Variants in GRIK2 observed in about 807,000 individuals in gnomAD.
The protein encoded by GRIK2 is glutamate ionotropic receptor kainate type subunit 2.
In GRIK2, 32 loss-of-function variants were observed where a neutral mutation model predicts 100.3. The observed-to-expected ratio is 0.32, with a 90% confidence interval of 0.24 to 0.43. GRIK2 has a LOEUF of 0.43. GRIK2 is among the 20% of genes least tolerant of loss of function. The probability of loss-of-function intolerance (pLI) is 1.00; values close to 1 mark genes in which losing one functional copy is unlikely to be tolerated. For synonymous variants in GRIK2, 417 were observed against 389.4 expected (o/e 1.07, Z -0.83); for missense variants, 843 against 1,114.9 (o/e 0.76, Z 3.47).
At chr6:101,930,834 CTT>C (rs768278128) in intron 14 of GRIK2, among the ~76,000 whole-genome samples, 20 of 151,790 alleles carry the variant, frequency 1.3e-4, no homozygotes, top group Non-Finnish European at 2.1e-4. Flanking sequence ...TTTTTTATCT[CTT>C]GTTTTTCTCT....
intron 7 of GRIK2, among the ~76,000 whole-genome samples, chr6:101,736,067 G>T (rs1239588111): frequency 6.7e-6 from 1 of 148,724 alleles, no homozygotes; most frequent in Non-Finnish European, 1.5e-5. Flanking sequence ...GCTCCAAAAT[G>T]ATCTTTTTTT....
intron 1 of GRIK2, among the ~76,000 whole-genome samples, chr6:101,396,829 C>A (rs1310747669): frequency 6.6e-6 from 1 of 152,118 alleles, no homozygotes; most frequent in South Asian, 2.1e-4. Flanking sequence ...TGTGCTAAAG[C>A]CTTTCAACTG....
intron 2 of GRIK2, among the ~76,000 whole-genome samples, chr6:101,425,318 TAATA>T (rs1355033892): frequency 2.0e-5 from 3 of 152,200 alleles, no homozygotes; most frequent in Admixed American, 6.6e-5. Context: ...ACATTAGATT[TAATA>T]AATACTGTAG....
At chr6:101,405,432 T>G (rs1190061778) in intron 2 of GRIK2, among the ~76,000 whole-genome samples, 2 of 152,184 alleles carry the variant, frequency 1.3e-5, no homozygotes, top group Non-Finnish European at 2.9e-5. Context: ...TAAGTGTTGA[T>G]GATAAATTCT....
chr6:101,744,513 T>TGTGC (rs1776260157), intron 7 of GRIK2: 1 of 125,644 alleles, frequency 8.0e-6, no homozygotes, highest in Non-Finnish European at 1.7e-5. Flanking sequence ...TGTGTGTGTG[T>TGTGC]GCGTGCGCGC....
At chr6:101,657,299 C>G (rs905084839) in intron 4 of GRIK2, among the ~76,000 whole-genome samples, 3 of 152,216 alleles carry the variant, frequency 2.0e-5, no homozygotes, top group East Asian at 1.9e-4. Context: ...GGCTCTTCCC[C>G]CTTTGCTCCT....
intron 4 of GRIK2, among the ~76,000 whole-genome samples, chr6:101,639,917 CTAA>C (rs972636895): frequency 4.6e-5 from 7 of 152,212 alleles, no homozygotes; most frequent in African/African-American, 1.7e-4. Context: ...TAAATGCGTA[CTAA>C]TAATATCTTG....
At chr6:101,611,834 A>G (rs1779690207) in intron 2 of GRIK2, among the ~76,000 whole-genome samples, 1 of 151,748 alleles carries the variant, frequency 6.6e-6, no homozygotes, top group African/African-American at 2.4e-5. Context: ...TCACATGTAT[A>G]TATGTTTTAT....
intron 11 of GRIK2, among the ~76,000 whole-genome samples, chr6:101,863,191 A>G (rs1784829858): frequency 6.6e-6 from 1 of 152,174 alleles, no homozygotes; most frequent in Non-Finnish European, 1.5e-5. Context: ...AGGAATGCAT[A>G]TATACATTTT....
chr6:101,660,120 A>T (rs1769503898), intron 4 of GRIK2, among the ~76,000 whole-genome samples: 1 of 152,024 alleles, frequency 6.6e-6, no homozygotes, highest in Admixed American at 6.6e-5. Flanking sequence ...ATCAAACATA[A>T]GTTTGGTTTT....
intron 2 of GRIK2, among the ~76,000 whole-genome samples, chr6:101,401,572 T>C (rs1366809204): frequency 6.6e-6 from 1 of 152,186 alleles, no homozygotes; most frequent in East Asian, 1.9e-4. Flanking sequence ...ATCTTCCACG[T>C]GGAGATGCAT....
At chr6:101,803,252 A>G (rs1390386714) in intron 9 of GRIK2, among the ~76,000 whole-genome samples, 1 of 151,898 alleles carries the variant, frequency 6.6e-6, no homozygotes, top group Non-Finnish European at 1.5e-5. Flanking sequence ...CTTTATTTCT[A>G]GACAGAAACT....
intron 2 of GRIK2, among the ~76,000 whole-genome samples, chr6:101,537,671 A>G (rs1430624714): frequency 6.6e-6 from 1 of 151,802 alleles, no homozygotes; most frequent in African/African-American, 2.4e-5. Flanking sequence ...AGAACTATCA[A>G]TAGTTTCTCT....
intron 14 of GRIK2, among the ~76,000 whole-genome samples, chr6:101,967,137 A>G (rs973761206): frequency 4.0e-5 from 6 of 151,808 alleles, no homozygotes; most frequent in African/African-American, 1.4e-4. Context: ...ATAGGAATAC[A>G]TTTTTATTTT....
chr6:101,546,084 G>A lies in GRIK2; in HGVS notation c.116-75865G>A, dbSNP rs537725538. ...AAATGTATTGCATGAACTTTTCATG[G>A]TTATTCACTTTTAGATTTCGACTCA... On this transcript the variant is annotated intron_variant, in intron 2 of 16. Transcript: ENST00000369134. Among the ~76,000 whole-genome samples, 6 of 151,928 alleles carry A rather than the reference G, an allele frequency of 3.9e-5. No individual in the cohort carries two copies. The South Asian group carries it at 1.2e-3, about 32-fold the overall frequency.
intron 12 of GRIK2, among the ~76,000 whole-genome samples, chr6:101,899,619 A>G (rs1787708717): frequency 6.6e-6 from 1 of 152,080 alleles, no homozygotes; most frequent in African/African-American, 2.4e-5. Flanking sequence ...TACTTTTAAC[A>G]TTTCGCTTTC....
intron 2 of GRIK2, among the ~76,000 whole-genome samples, chr6:101,556,936 A>G (rs977115003): frequency 2.0e-5 from 3 of 152,134 alleles, no homozygotes; most frequent in African/African-American, 4.8e-5. Context: ...AAGTAAAAAT[A>G]TTTATGTCAT....
At chr6:101,978,335 A>G (rs1006197325) in intron 14 of GRIK2, among the ~76,000 whole-genome samples, 3 of 152,032 alleles carry the variant, frequency 2.0e-5, no homozygotes, top group Admixed American at 6.6e-5. Flanking sequence ...AGAATAGTAT[A>G]TGCACATCTC....
intron 2 of GRIK2, among the ~76,000 whole-genome samples, chr6:101,417,173 A>T (rs776665207): frequency 2.6e-5 from 4 of 152,168 alleles, no homozygotes; most frequent in Non-Finnish European, 5.9e-5. Context: ...AAATCATCAG[A>T]TCTCATGAGA....
Sources: allele counts gnomAD v4.1 joint callset (sites outside exome capture counted in the v4.1 genomes callset), GRCh38; gene constraint gnomAD v4.1.1; transcripts MANE v1.5; gene names NCBI Gene and HGNC (gene_info 2026-07-23, HGNC 2026-07-21).